SPON1: variants seen among roughly 807,000 people sequenced by gnomAD.
The protein encoded by SPON1 is spondin-1.
Under a neutral mutation model 111.7 loss-of-function variants are expected in SPON1, and 52 were observed. The ratio of observed to expected loss-of-function variants is 0.47; its 90% confidence interval spans 0.37 to 0.59. SPON1 has a LOEUF of 0.59. Ranked by LOEUF, SPON1 falls within the 20% of genes least tolerant of loss-of-function variation. SPON1 has a pLI of 0.00. For missense variants in SPON1, 957 were observed against 1,068.5 expected (o/e 0.90, Z 1.46); for synonymous variants, 410 against 395.8 (o/e 1.04, Z -0.43).
At chr11:14,217,425 C>G (rs1346211914) in intron 6 of SPON1, among the ~76,000 whole-genome samples, 1 of 152,154 alleles carries the variant, frequency 6.6e-6, no homozygotes. Flanking sequence ...AGCTCTTGCT[C>G]TCTCATATAT....
At chr11:14,212,119 A>ATTT (rs11395049) in intron 6 of SPON1, among the ~76,000 whole-genome samples, 5 of 147,158 alleles carry the variant, frequency 3.4e-5, no homozygotes, top group African/African-American at 1.2e-4. Flanking sequence ...TCTTTTATTG[A>ATTT]TTTTTTTTTT....
intron 14 of SPON1, among the ~76,000 whole-genome samples, chr11:14,262,247 A>G (rs993838383): frequency 2.0e-5 from 3 of 152,126 alleles, no homozygotes; most frequent in Admixed American, 1.3e-4. Flanking sequence ...TAGAACCACA[A>G]TGTCCTTGGT....
intron 1 of SPON1, among the ~76,000 whole-genome samples, chr11:13,974,162 G>A (rs1462072299): frequency 3.9e-5 from 6 of 152,310 alleles, no homozygotes; most frequent in African/African-American, 1.2e-4. Context: ...TCAGAGCTCT[G>A]GAAGTTGTGC....
chr11:14,153,123 T>C (rs1376372919), intron 6 of SPON1, among the ~76,000 whole-genome samples: 1 of 152,210 alleles, frequency 6.6e-6, no homozygotes, highest in Admixed American at 6.5e-5. Context: ...TTACTTCTTC[T>C]TCTATCTTCA....
At chr11:14,064,351 A>T (rs1554920172) in intron 3 of SPON1, among the ~76,000 whole-genome samples, 2 of 152,276 alleles carry the variant, frequency 1.3e-5, no homozygotes, top group East Asian at 3.8e-4. Context: ...GTGGAGGGAC[A>T]GGTCACTTCT....
intron 3 of SPON1, among the ~76,000 whole-genome samples, chr11:14,052,446 G>T (rs1848714925): frequency 6.6e-6 from 1 of 152,202 alleles, no homozygotes; most frequent in Non-Finnish European, 1.5e-5. Context: ...GGTAGCAAGA[G>T]GAACTACAGG....
chr11:14,174,215 A>G lies in SPON1; in HGVS notation c.825+38647A>G, dbSNP rs1428527122. The stretch of plus-strand genomic sequence containing the variant: ...CATTTCAGCATTTCATTGCAAGGCA[A>G]CCCAAAGCCAATCAGCCCATTTTGT... On this transcript the variant is annotated intron_variant, in intron 6 of 15. Transcript: ENST00000576479. Among the ~76,000 whole-genome samples the G allele has an allele frequency of 3.9e-5, 6 of 152,308 alleles. No homozygotes were observed. In the East Asian group the frequency reaches 1.2e-3, roughly 29 times the overall value.
At chr11:14,191,782 T>C (rs529537743) in intron 6 of SPON1, among the ~76,000 whole-genome samples, 1 of 152,336 alleles carries the variant, frequency 6.6e-6, no homozygotes, top group Non-Finnish European at 1.5e-5. Flanking sequence ...TTATGCTGAT[T>C]ATGAAAGCTG....
In SPON1 at chr11:14,077,097, G is replaced by T. The variant is rs1591369059; in HGVS notation, c.553+1679G>T. Among the ~76,000 whole-genome samples the T allele has an allele frequency of 2.0e-5, 3 of 152,326 alleles. No homozygotes were observed. The South Asian group carries it at 6.2e-4, about 32-fold the overall frequency. On this transcript the variant is annotated intron_variant, in intron 4 of 15. Coordinates refer to ENST00000576479, the MANE Select transcript of SPON1 (RefSeq NM_006108.4). ...ATCACACATTTCCAAGACACCTCTT[G>T]TAAATGCCTTAGACAAGTCTTCACA...
At chr11:14,160,689 A>ATT in intron 6 of SPON1, among the ~76,000 whole-genome samples, 2 of 12,856 alleles carry the variant, frequency 1.6e-4, no homozygotes, top group East Asian at 3.5e-3. Context: ...TTATATATAT[A>ATT]TTTATATATT....
intron 6 of SPON1, among the ~76,000 whole-genome samples, chr11:14,151,725 G>T (rs893473999): frequency 6.6e-6 from 1 of 152,178 alleles, no homozygotes; most frequent in Non-Finnish European, 1.5e-5. Flanking sequence ...AGTTCTAATT[G>T]TTCTATAATC....
chr11:14,175,412 A>C (rs1028667181), intron 6 of SPON1, among the ~76,000 whole-genome samples: 1 of 152,218 alleles, frequency 6.6e-6, no homozygotes. Flanking sequence ...TCAGGGACCC[A>C]TAGCAAAGTT....
intron 2 of SPON1, among the ~76,000 whole-genome samples, chr11:13,990,780 C>A (rs925242513): frequency 1.3e-5 from 2 of 152,042 alleles, no homozygotes; most frequent in Non-Finnish European, 2.9e-5. Context: ...GTGACAAAAT[C>A]TCTCAGCATT....
At chr11:14,144,888 C>T (rs10832196) in intron 6 of SPON1, among the ~76,000 whole-genome samples, 59,083 of 151,632 alleles carry the variant, frequency 0.39, 11,765 homozygotes, top group East Asian at 0.55. Context: ...GTGTGTCACC[C>T]TGCTGCAAAT....
In SPON1 at chr11:14,075,355, G is replaced by A. The variant is rs750642710; in HGVS notation, c.490G>A (p.Val164Ile). The A allele has an allele frequency of 7.2e-5, 112 of 1,558,348 alleles. No homozygotes were observed. Among genetic ancestry groups the A allele is most frequent in the Non-Finnish European group, 9.6e-5 (110 of 1,150,098 alleles). ...TGCVILKASI[V>I]QKRIIYFQDE... ...CTTCTTTCTTCACAGGGCCAGCATC[G>A]TACAAAAACGCATTATTTATTTTCA... Residue 164 changes from valine to isoleucine, a missense_variant, in exon 4 of 16, where the codon GTA becomes ATA. By Grantham distance (29) the Val-to-Ile change is conservative. Coordinates refer to ENST00000576479, the MANE Select transcript of SPON1 (RefSeq NM_006108.4).
intron 1 of SPON1, among the ~76,000 whole-genome samples, chr11:13,975,056 C>T (rs1848091360): frequency 1.3e-5 from 2 of 152,228 alleles, no homozygotes; most frequent in African/African-American, 4.8e-5. Flanking sequence ...CTTGAAGCCT[C>T]TTCGAATTCA....
At chr11:14,164,040 A>G (rs924579033) in intron 6 of SPON1, among the ~76,000 whole-genome samples, 1 of 152,240 alleles carries the variant, frequency 6.6e-6, no homozygotes, top group Non-Finnish European at 1.5e-5. Flanking sequence ...AGAACTAAGT[A>G]TCATGACTTC....
intron 7 of SPON1, among the ~76,000 whole-genome samples, chr11:14,251,171 G>C (rs1225955739): frequency 6.6e-6 from 1 of 152,166 alleles, no homozygotes; most frequent in Non-Finnish European, 1.5e-5. Context: ...GGGTCAAGGA[G>C]GGATTCTCCA....
In SPON1 at chr11:14,259,637, C is replaced by A. The variant is rs782614810; in HGVS notation, c.1767C>A (p.Pro589=). The part of the protein sequence containing the change: ...KKRHRMIKMN[P]ADGSMCKAET... ...GGCACCGCATGATCAAGATGAACCC[C>A]GCAGATGGCTCCATGTGCAAAGCCG... Residue 589 remains proline (P), a synonymous_variant, in exon 13 of 16, where the codon CCC becomes CCA. Coordinates refer to ENST00000576479, the MANE Select transcript of SPON1 (RefSeq NM_006108.4). The surrounding 1 kb of genome is among the most constrained non-coding windows in gnomAD (Gnocchi z 5.0). 6.4e-7 allele frequency: 1 copy of A among 1,564,956 alleles called. No homozygotes were observed. The highest frequency in any genetic ancestry group is 1.9e-5 in the Admixed American group (1 of 52,506).
Sources: gnomAD v4.1 joint callset for allele counts (sites outside exome capture counted in the v4.1 genomes callset) on GRCh38, gnomAD v4.1.1 for gene constraint, Gnocchi (gnomAD v3.1) non-coding constraint, MANE v1.5 for transcripts, NCBI Gene and HGNC (gene_info 2026-07-23, HGNC 2026-07-21) for gene names.